Variants in ADAM32 observed in about 807,000 individuals in gnomAD.
The protein encoded by ADAM32 is ADAM metallopeptidase domain 32.
Under a neutral mutation model 114.9 loss-of-function variants are expected in ADAM32, and 89 were observed. The observed-to-expected ratio is 0.77, with a 90% confidence interval of 0.65 to 0.92. The LOEUF is 0.92. ADAM32 is among the 40% of genes least tolerant of loss of function. The pLI is 0.00. For missense variants in ADAM32, 870 were observed against 932.8 expected (o/e 0.93, Z 0.88); for synonymous variants, 285 against 307.5 (o/e 0.93, Z 0.77).
rs751614865 is a variant in ADAM32 at position 39,165,035 on chromosome 8, C to T, written c.672C>T (p.Phe224=). The T allele has an allele frequency of 1.3e-6, 2 of 1,592,662 alleles. No individual in the cohort carries two copies. Among genetic ancestry groups the T allele is most frequent in the Non-Finnish European group, 1.7e-6 (2 of 1,170,750 alleles). ...TTTATCTCTTCTGTTTTTAGATGTT[C>T]ACCCAATTTAAAGTTACTATTGTGC... The part of the protein sequence containing the change: ...IEIVGLANSM[F]TQFKVTIVLS... Residue 224 remains phenylalanine (F), a synonymous_variant, in exon 9 of 25, where the codon TTC becomes TTT. Coordinates refer to ENST00000379907, the MANE Select transcript of ADAM32 (RefSeq NM_145004.7).
chr8:39,139,122 G>T (rs1297383283), intron 3 of ADAM32, among the ~76,000 whole-genome samples: 1 of 152,098 alleles, frequency 6.6e-6, no homozygotes. Context: ...CCATTCTGTA[G>T]GTTGCCTGTT....
chr8:39,259,654 G>C (rs1326018439), intron 19 of ADAM32, among the ~76,000 whole-genome samples: 1 of 152,054 alleles, frequency 6.6e-6, no homozygotes, highest in Non-Finnish European at 1.5e-5. Context: ...AAATAAGTCA[G>C]TGTTATTTTT....
At chr8:39,221,850 T>C (rs145154782) in intron 13 of ADAM32, 148 bp downstream of exon 13, 23 of 622,630 alleles carry the variant, frequency 3.7e-5, no homozygotes, top group Non-Finnish European at 5.4e-5. Context: ...AGATTTCTGA[T>C]TTTTATTAAC....
intron 16 of ADAM32, among the ~76,000 whole-genome samples, chr8:39,242,336 G>T (rs1274014209): frequency 6.6e-6 from 1 of 151,968 alleles, no homozygotes; most frequent in African/African-American, 2.4e-5. Flanking sequence ...CACATTTTTG[G>T]GTTTCTTTTC....
At chr8:39,216,350 C>T (rs1053848955) in intron 12 of ADAM32, among the ~76,000 whole-genome samples, 3 of 151,872 alleles carry the variant, frequency 2.0e-5, no homozygotes, top group Admixed American at 6.6e-5. Context: ...TTTTAAAATT[C>T]GTTCAGCCAC....
chr8:39,267,375 A>T (rs756423481), intron 19 of ADAM32, among the ~76,000 whole-genome samples: 1 of 152,148 alleles, frequency 6.6e-6, no homozygotes, highest in African/African-American at 2.4e-5. Context: ...CATCACCATA[A>T]TTATTTTGAT....
At chr8:39,150,893 CA>C (rs919505235) in intron 5 of ADAM32, among the ~76,000 whole-genome samples, 1 of 141,980 alleles carries the variant, frequency 7.0e-6, no homozygotes, top group African/African-American at 2.5e-5. Flanking sequence ...TTATTATATA[CA>C]TTTGTCATAT....
intron 2 of ADAM32, among the ~76,000 whole-genome samples, chr8:39,132,603 A>G (rs1431832241): frequency 6.6e-6 from 1 of 152,178 alleles, no homozygotes; most frequent in African/African-American, 2.4e-5. Context: ...ATGTTAACTC[A>G]CACATTTACC....
Position 39,147,111 on chromosome 8 carries a change from CCT to C in ADAM32, c.201-16_201-15del, listed in dbSNP as rs1394754468. The C allele has an allele frequency of 4.4e-6, 4 of 908,736 alleles. No homozygotes were observed. The highest frequency in any genetic ancestry group is 8.4e-5 in the Admixed American group (2 of 23,754). The allele number at this position is 908,736 out of a possible 1,614,324, so 56.3% of individuals were successfully genotyped here. On this transcript the variant is annotated splice_polypyrimidine_tract_variant and intron_variant, in intron 3 of 24. Transcript: ENST00000379907. ...TCAAAAAGAATAATTAAAAAAATTT[CCT>C]CTTTTTTTATATTCAGATATTTTTT...
intron 22 of ADAM32, among the ~76,000 whole-genome samples, chr8:39,276,748 C>G (rs992475066): frequency 1.3e-5 from 2 of 152,022 alleles, no homozygotes; most frequent in African/African-American, 4.8e-5. Flanking sequence ...ATGAGTTTAT[C>G]TTTAAAATTT....
chr8:39,149,859 T>C lies in ADAM32; in HGVS notation c.345T>C (p.Ser115=), dbSNP rs988530191. The part of the protein sequence containing the change: ...PDSMVTLSTC[S]GLRGILQFEN... The stretch of plus-strand genomic sequence containing the variant: ...CCATGGTCACACTCAGCACGTGCTC[T>C]GGACTAAGGTTGTTTTCTGTTGTTG... The change falls in exon 5 of 25, where the codon TCT becomes TCC. Residue 115 remains serine, a synonymous_variant. Coordinates refer to ENST00000379907, the MANE Select transcript of ADAM32 (RefSeq NM_145004.7). 4 of 1,608,042 alleles carry C rather than the reference T, an allele frequency of 2.5e-6. No homozygotes were observed. In the African/African-American group the frequency reaches 5.4e-5, roughly 22 times the overall value.
Position 39,160,915 on chromosome 8 carries a change from G to T in ADAM32, c.544G>T (p.Asp182Tyr), listed in dbSNP as rs1010573444. The change falls in exon 7 of 25, where the codon GAT becomes TAT. Residue 182 changes from aspartate to tyrosine, a missense_variant. Asp to Tyr is a radical substitution (Grantham distance 160). Transcript: ENST00000379907. ...TTTCTAGTCAGAACCAGCTGTTCCA[G>T]ATTTATTTCCTCTTTATCTAGAAAT... is the stretch of plus-strand genomic sequence containing the variant. ...ISEKSEPAVP[D>Y]LFPLYLEMHI... is the part of the protein sequence containing the mutation. 1 of 1,598,482 alleles carries T rather than the reference G, an allele frequency of 6.3e-7. No homozygotes were observed. The highest frequency in any genetic ancestry group is 8.5e-7 in the Non-Finnish European group (1 of 1,172,984).
intron 11 of ADAM32, 148 bp downstream of exon 11, chr8:39,187,193 G>A: frequency 1.5e-6 from 1 of 679,574 alleles, no homozygotes; most frequent in Non-Finnish European, 2.3e-6. Context: ...TGTAAAAGTA[G>A]TATAAAGTAT....
intron 14 of ADAM32, among the ~76,000 whole-genome samples, chr8:39,230,733 A>G (rs1326543748): frequency 2.6e-5 from 4 of 152,204 alleles, no homozygotes; most frequent in Non-Finnish European, 5.9e-5. Flanking sequence ...AAACCAAAAA[A>G]GAACAGCAGA....
chr8:39,200,859 A>G (rs549460736), intron 11 of ADAM32, among the ~76,000 whole-genome samples: 5 of 152,166 alleles, frequency 3.3e-5, no homozygotes, highest in Non-Finnish European at 7.3e-5. Flanking sequence ...CAGTTTTCCC[A>G]GCACCATTTA....
At chr8:39,130,375 T>C (rs1802371238) in intron 2 of ADAM32, among the ~76,000 whole-genome samples, 1 of 152,186 alleles carries the variant, frequency 6.6e-6, no homozygotes, top group Non-Finnish European at 1.5e-5. Context: ...GTTTTTTTGT[T>C]TTCATTTCAT....
intron 12 of ADAM32, among the ~76,000 whole-genome samples, chr8:39,216,323 T>A (rs568712335): frequency 2.0e-5 from 3 of 152,142 alleles, no homozygotes; most frequent in South Asian, 4.1e-4. Flanking sequence ...AAGCAACAGA[T>A]CATTAATTTC....
At chr8:39,226,888 C>T (rs956281729) in intron 14 of ADAM32, among the ~76,000 whole-genome samples, 2 of 152,070 alleles carry the variant, frequency 1.3e-5, no homozygotes, top group East Asian at 1.9e-4. Flanking sequence ...ACCGAAATGG[C>T]GATGTGTCTC....
intron 12 of ADAM32, among the ~76,000 whole-genome samples, chr8:39,217,887 G>A (rs1389922286): frequency 1.3e-5 from 2 of 152,128 alleles, no homozygotes; most frequent in African/African-American, 4.8e-5. Context: ...TAGTTCATTT[G>A]GTGAAGTCAG....
Sources: allele counts gnomAD v4.1 joint callset (sites outside exome capture counted in the v4.1 genomes callset), GRCh38; gene constraint gnomAD v4.1.1; transcripts MANE v1.5; gene names NCBI Gene and HGNC (gene_info 2026-07-23, HGNC 2026-07-21).